Variants in UBE2N observed in about 807,000 individuals in gnomAD.
UBE2N encodes ubiquitin-conjugating enzyme E2 N.
For missense variants in UBE2N, 60 were observed against 192.1 expected, an observed-to-expected ratio of 0.31 and a Z score of 4.07; for synonymous variants, 70 against 69.2, an observed-to-expected ratio of 1.01 and a Z score of -0.06.
chr12:93,415,411 A>G (rs541544001), intron 1 of UBE2N, among the ~76,000 whole-genome samples: 41 of 152,310 alleles, frequency 2.7e-4, no homozygotes, highest in Admixed American at 2.4e-3. Context: ...GTATTTTAAG[A>G]CTAGTTTTTT....
Position 93,407,971 on chromosome 12 carries a change from T to C in UBE2N, c.*2068A>G, listed in dbSNP as rs1295908545. On this transcript the variant is annotated 3_prime_UTR_variant, in exon 4 of 4. Coordinates refer to ENST00000318066, the MANE Select transcript of UBE2N (RefSeq NM_003348.4). ...AAATTCACTGCATTTGAAATGAAAA[T>C]GACTTATTTCTGTACTTCTATAACT... is the stretch of plus-strand genomic sequence containing the variant. 6.6e-6 allele frequency: 1 copy of C among 152,240 alleles called. No individual in the cohort carries two copies. The highest frequency in any genetic ancestry group is 1.5e-5 in the Non-Finnish European group (1 of 68,034). The allele number at this position is 152,240 out of a possible 1,614,324, so 9.4% of individuals were successfully genotyped here. A position where few individuals can be genotyped will look rare whatever the true frequency, so the allele number is the denominator to read the frequency against.
intron 1 of UBE2N, among the ~76,000 whole-genome samples, chr12:93,441,556 A>AC (rs939641132): frequency 3.3e-5 from 5 of 150,280 alleles, no homozygotes; most frequent in African/African-American, 1.2e-4. Context: ...AAGCCCAGAG[A>AC]CCCCCAGCCT....
At chr12:93,430,307 TATAA>T (rs1878722379) in intron 1 of UBE2N, among the ~76,000 whole-genome samples, 1 of 152,208 alleles carries the variant, frequency 6.6e-6, no homozygotes. Flanking sequence ...TCTAGGTTTG[TATAA>T]ATATACTCTA....
At chr12:93,438,103 G>T (rs917767147) in intron 1 of UBE2N, among the ~76,000 whole-genome samples, 4 of 152,162 alleles carry the variant, frequency 2.6e-5, no homozygotes, top group African/African-American at 4.8e-5. Context: ...TGAGATTAAG[G>T]CTCATCTATT....
intron 1 of UBE2N, among the ~76,000 whole-genome samples, chr12:93,411,526 T>C (rs1217551559): frequency 2.6e-5 from 4 of 152,234 alleles, no homozygotes; most frequent in Non-Finnish European, 5.9e-5. Flanking sequence ...ACATTTTGGC[T>C]ACAAATGTCT....
chr12:93,437,404 G>A (rs1020279338), intron 1 of UBE2N, among the ~76,000 whole-genome samples: 2 of 151,718 alleles, frequency 1.3e-5, no homozygotes, highest in Admixed American at 6.6e-5. Flanking sequence ...GGTGGTTAGA[G>A]GGGAAGAGAA....
At chr12:93,439,067 T>G (rs1468118671) in intron 1 of UBE2N, among the ~76,000 whole-genome samples, 1 of 152,204 alleles carries the variant, frequency 6.6e-6, no homozygotes, top group Non-Finnish European at 1.5e-5. Flanking sequence ...ATGTAAATAG[T>G]GATCATTATA....
In UBE2N at chr12:93,416,331, C is replaced by T. The variant is rs184646063; in HGVS notation, c.31-5032G>A. On this transcript the variant is annotated intron_variant, in intron 1 of 3. Transcript: ENST00000318066. Reference sequence around the variant, plus strand: ...AAATCTTTCCGGCCACTATTCAACACATGACTAACTAAAATACCTTCTGGT... The same window carrying T: ...AAATCTTTCCGGCCACTATTCAACATATGACTAACTAAAATACCTTCTGGT... 2.2e-3 allele frequency among the ~76,000 whole-genome samples: 340 copies of T among 152,296 alleles called. 2 individuals are homozygous for T. The highest frequency in any genetic ancestry group is 1.8e-3 in the Non-Finnish European group (120 of 68,026).
At chr12:93,412,662 C>T (rs952943723) in intron 1 of UBE2N, among the ~76,000 whole-genome samples, 9 of 152,288 alleles carry the variant, frequency 5.9e-5, no homozygotes, top group Non-Finnish European at 7.3e-5. Flanking sequence ...CTGGCTGGAA[C>T]GGGATCTCAC....
intron 1 of UBE2N, among the ~76,000 whole-genome samples, chr12:93,427,135 G>A: frequency 6.6e-6 from 1 of 152,168 alleles, no homozygotes; most frequent in East Asian, 1.9e-4. Flanking sequence ...GGCCAGGCTG[G>A]TCTCGAGCTC....
chr12:93,432,875 C>T (rs1360808920), intron 1 of UBE2N, among the ~76,000 whole-genome samples: 3 of 150,824 alleles, frequency 2.0e-5, no homozygotes, highest in Non-Finnish European at 4.4e-5. Context: ...CTGGCCAATT[C>T]AAAACCAAAA....
rs959219109 is a variant in UBE2N, at chr12:93,406,823, C to T, written c.*3216G>A. The T allele has an allele frequency of 6.6e-6, 1 of 152,146 alleles. No homozygotes were observed. The highest frequency in any genetic ancestry group is 1.5e-5 in the Non-Finnish European group (1 of 68,042). The allele number at this position is 152,146 out of a possible 1,614,324, so 9.4% of individuals were successfully genotyped here. On this transcript the variant is annotated 3_prime_UTR_variant, in exon 4 of 4. Coordinates refer to ENST00000318066, the MANE Select transcript of UBE2N (RefSeq NM_003348.4). The stretch of plus-strand genomic sequence containing the variant: ...GCGAATTTGGATATCCAAAGGAAGT[C>T]CTAGAACCAGTTCCCGACAAATACC...
At chr12:93,435,318 C>T (rs929222969) in intron 1 of UBE2N, among the ~76,000 whole-genome samples, 35 of 152,078 alleles carry the variant, frequency 2.3e-4, no homozygotes, top group Non-Finnish European at 4.7e-4. Flanking sequence ...ACTAAAAATA[C>T]AAAAATCAGC....
chr12:93,410,164 T>C, intron 3 of UBE2N, 85 bp from the exon 4 acceptor site: 3 of 1,303,696 alleles, frequency 2.3e-6, no homozygotes. Context: ...ACAACCACTA[T>C]TAATTATGGA....
rs1488292467 is a variant in UBE2N, at chr12:93,407,760, G to A, written c.*2279C>T. The A allele has an allele frequency of 6.6e-6, 1 of 152,164 alleles. No individual in the cohort carries two copies. Among genetic ancestry groups the A allele is most frequent in the African/African-American group, 2.4e-5 (1 of 41,430 alleles). The allele number at this position is 152,164 out of a possible 1,614,324, so 9.4% of individuals were successfully genotyped here. A position where few individuals can be genotyped will look rare whatever the true frequency, so the allele number is the denominator to read the frequency against. The stretch of plus-strand genomic sequence containing the variant: ...TGGGCCAGGGAAAACAGGCCCAAAG[G>A]CCAGGTGAAGCTGCAGTTTTCAACT... On this transcript the variant is annotated 3_prime_UTR_variant, in exon 4 of 4. Coordinates refer to ENST00000318066, the MANE Select transcript of UBE2N (RefSeq NM_003348.4).
In UBE2N at chr12:93,410,950, A is replaced by G. The variant is rs144840616; in HGVS notation, c.278-76T>C. ...GAACTGCTTCACTTCCCTCCCACAGACCTCTCTGATCTTTGTATAATGTTT... is the reference window on the plus strand; with the variant it reads ...GAACTGCTTCACTTCCCTCCCACAGGCCTCTCTGATCTTTGTATAATGTTT... On this transcript the variant is annotated intron_variant, in intron 2 of 3. Transcript: ENST00000318066. 2.0e-3 allele frequency: 3,195 copies of G among 1,613,658 alleles called. 66 individuals are homozygous for G. The South Asian group carries it at 0.023, about 12-fold the overall frequency.
chr12:93,425,653 T>C (rs1452575279), intron 1 of UBE2N, among the ~76,000 whole-genome samples: 1 of 152,096 alleles, frequency 6.6e-6, no homozygotes, highest in Non-Finnish European at 1.5e-5. Flanking sequence ...ATTCAAGAAC[T>C]TCCAAAAATA....
At chr12:93,423,613 T>A (rs1385067851) in intron 1 of UBE2N, among the ~76,000 whole-genome samples, 3 of 152,198 alleles carry the variant, frequency 2.0e-5, no homozygotes, top group African/African-American at 7.2e-5. Flanking sequence ...CATCTGAATT[T>A]AATTCCAATT....
chr12:93,424,406 A>C (rs1003581144), intron 1 of UBE2N: 2 of 152,256 alleles, frequency 1.3e-5, no homozygotes, highest in Non-Finnish European at 2.9e-5. Context: ...CAGCGAAGCA[A>C]ACAAAAAAAC....
Sources: allele counts gnomAD v4.1 joint callset (sites outside exome capture counted in the v4.1 genomes callset), GRCh38; gene constraint gnomAD v4.1.1; transcripts MANE v1.5; gene names NCBI Gene and HGNC (gene_info 2026-07-23, HGNC 2026-07-21).